Variants in COL6A5 observed in about 807,000 individuals in gnomAD.
COL6A5 encodes collagen type VI alpha 5 chain.
COL6A5 carries 48 observed loss-of-function variants against 65.6 expected under a neutral mutation model. The observed-to-expected ratio is 0.73, with a 90% CI of 0.58 to 0.93. COL6A5 has a LOEUF of 0.93. Among genes scored for constraint, COL6A5 ranks in the 40% least tolerant of loss-of-function variants. The pLI is 0.00. For synonymous variants in COL6A5, 291 were observed against 322.8 expected (o/e 0.90, Z 1.05); for missense variants, 914 against 928.3 (o/e 0.98, Z 0.20).
At chr3:130,413,755 G>T (rs1452454037) in intron 21 of COL6A5, among the ~76,000 whole-genome samples, 175 bp downstream of exon 21, 2 of 151,730 alleles carry the variant, frequency 1.3e-5, no homozygotes, top group African/African-American at 4.8e-5. Context: ...GAACAGAACA[G>T]ACCTAAGGAA....
chr3:130,379,294 G>T (rs117272494), intron 3 of COL6A5, 124 bp from the exon 4 acceptor site: 7 of 904,372 alleles, frequency 7.7e-6, no homozygotes, highest in Non-Finnish European at 1.1e-5. Flanking sequence ...AAAAGAAAAC[G>T]ATGCTGTCTA....
chr3:130,439,478 T>G, intron 1 of COL6A5, 44 bp from the exon 34 acceptor site: 1 of 1,457,834 alleles, frequency 6.9e-7, no homozygotes, highest in Non-Finnish European at 9.4e-7. Flanking sequence ...TACTAGTGAC[T>G]AAAAACAATG....
chr3:130,438,916 A>T (rs562958754), intron 1 of COL6A5, among the ~76,000 whole-genome samples: 1 of 152,288 alleles, frequency 6.6e-6, no homozygotes, highest in South Asian at 2.1e-4. Context: ...AAGAAATCAG[A>T]CAGTGTACCA....
chr3:130,389,566 C>T (rs1163054816), intron 6 of COL6A5, among the ~76,000 whole-genome samples: 1 of 150,852 alleles, frequency 6.6e-6, no homozygotes, highest in African/African-American at 2.4e-5. Flanking sequence ...TAAGCACCAC[C>T]CACCAAGAAA....
chr3:130,470,126 C>T (rs1297849775), intron 6 of COL6A5, among the ~76,000 whole-genome samples: 1 of 152,056 alleles, frequency 6.6e-6, no homozygotes, highest in African/African-American at 2.4e-5. Flanking sequence ...GCCTCTATGC[C>T]AGACAGCTGG....
intron 13 of COL6A5, among the ~76,000 whole-genome samples, chr3:130,404,659 C>T (rs1485819143): frequency 3.3e-5 from 5 of 152,168 alleles, no homozygotes; most frequent in Non-Finnish European, 7.3e-5. Flanking sequence ...GCAGAAAGTC[C>T]AGGCAATGGG....
intron 4 of COL6A5, among the ~76,000 whole-genome samples, chr3:130,381,908 A>T (rs1936008198): frequency 6.6e-6 from 1 of 152,114 alleles, no homozygotes; most frequent in Non-Finnish European, 1.5e-5. Flanking sequence ...AAATGGGAAG[A>T]TATGGGACCA....
At chr3:130,390,973 G>A (rs1936375464) in intron 6 of COL6A5, among the ~76,000 whole-genome samples, 1 of 152,158 alleles carries the variant, frequency 6.6e-6, no homozygotes, top group Non-Finnish European at 1.5e-5. Flanking sequence ...AAATGTCTTT[G>A]GAGTCATGAT....
At chr3:130,471,909 A>G in intron 7 of COL6A5, 1 of 1,534,670 alleles carries the variant, frequency 6.5e-7, no homozygotes, top group Non-Finnish European at 8.7e-7. Flanking sequence ...GTGGTTGATA[A>G]ACAGCAAGAA....
At chr3:130,406,239 G>A (rs1559884412) in intron 16 of COL6A5, 29 bp from the exon 17 acceptor site, 1 of 1,549,482 alleles carries the variant, frequency 6.5e-7, no homozygotes, top group East Asian at 2.4e-5. Flanking sequence ...TTTTTAAGTG[G>A]GAATTTTGTT....
chr3:130,472,858 T>TATATATAC (rs1198559167), intron 7 of COL6A5, among the ~76,000 whole-genome samples: 288 of 141,846 alleles, frequency 2.0e-3, no homozygotes, highest in Middle Eastern at 3.8e-3. Flanking sequence ...TATATATATA[T>TATATATAC]ACACATTTAT....
Position 130,406,333 on chromosome 3 carries a change from C to A in COL6A5, c.4479+12C>A. Reference sequence around the variant, plus strand: ...ATCCAGGATCTCAGGTAACACTTTTCTTTTCAATACTTCAAAGAAGGAGAA... The same window carrying A: ...ATCCAGGATCTCAGGTAACACTTTTATTTTCAATACTTCAAAGAAGGAGAA... On this transcript the variant is annotated intron_variant and NMD_transcript_variant, in intron 17 of 41. Transcript: ENST00000312481. 6.5e-7 allele frequency: 1 copy of A among 1,540,158 alleles called. No homozygotes were observed. Among genetic ancestry groups the A allele is most frequent in the Non-Finnish European group, 8.8e-7 (1 of 1,136,996 alleles).
At chr3:130,386,960 G>C (rs1255099561) in intron 5 of COL6A5, among the ~76,000 whole-genome samples, 1 of 151,852 alleles carries the variant, frequency 6.6e-6, no homozygotes, top group African/African-American at 2.4e-5. Flanking sequence ...AGGTTAAGCT[G>C]CAATAGCAAA....
chr3:130,477,071 C>T (rs1031418529), intron 7 of COL6A5: 19 of 1,515,048 alleles, frequency 1.3e-5, no homozygotes, highest in Middle Eastern at 1.7e-4. Context: ...TCTGAAGCAT[C>T]TTACCTAAGA....
intron 10 of COL6A5, among the ~76,000 whole-genome samples, chr3:130,399,457 G>A (rs142646665): frequency 2.2e-4 from 32 of 146,396 alleles, no homozygotes; most frequent in African/African-American, 7.3e-4. Flanking sequence ...TGCAAACTCC[G>A]CCTCCCAGGT....
intron 1 of COL6A5, among the ~76,000 whole-genome samples, chr3:130,362,127 G>C (rs1012574747): frequency 1.3e-5 from 2 of 150,816 alleles, no homozygotes; most frequent in African/African-American, 4.9e-5. Context: ...TTCATAAGTC[G>C]TTGCCAAACC....
chr3:130,430,415 G>T (rs564095221), upstream of COL6A5, among the ~76,000 whole-genome samples: 1 of 152,234 alleles, frequency 6.6e-6, no homozygotes, highest in South Asian at 2.1e-4. Context: ...AACAGTGGTT[G>T]GGATATGGGA....
chr3:130,426,365 A>G lies in COL6A5; in HGVS notation c.5200-2A>G. ...TTCTCTCTCCTTTTTCAACATTTAC[A>G]GCAATGTGATCTGATCCGGTTTTTG... On this transcript the variant is annotated splice_acceptor_variant and NMD_transcript_variant, in intron 30 of 41. Transcript: ENST00000312481. 6.4e-7 allele frequency: 1 copy of G among 1,551,320 alleles called. No homozygotes were observed.
intron 7 of COL6A5, 149 bp downstream of exon 7, chr3:130,391,903 A>T: frequency 1.5e-6 from 1 of 683,520 alleles, no homozygotes; most frequent in Non-Finnish European, 2.4e-6. Flanking sequence ...TCTAAAAGAA[A>T]TGGGTTGATT....
Sources: allele counts gnomAD v4.1 joint callset (sites outside exome capture counted in the v4.1 genomes callset), GRCh38; gene constraint gnomAD v4.1.1; transcripts MANE v1.5; gene names NCBI Gene and HGNC (gene_info 2026-07-23, HGNC 2026-07-21).